GTF2H5: variants seen among roughly 807,000 people sequenced by gnomAD.
GTF2H5 encodes the protein TFB5 ortholog.
In GTF2H5, 5 loss-of-function variants were observed where a neutral mutation model predicts 7.1. That is an observed-to-expected ratio of 0.71 (90% confidence interval 0.37 to 1.49). The LOEUF is 1.49. Among genes scored for constraint, GTF2H5 ranks in the 40% most tolerant of loss-of-function variants. GTF2H5 has a pLI of 0.03. For missense variants in GTF2H5, 80 were observed against 83.0 expected (o/e 0.96, Z 0.14); for synonymous variants, 30 against 31.7 (o/e 0.95, Z 0.18).
rs570309908 is a variant in GTF2H5, at chr6:158,189,613, C to A, written c.36-2364C>A. On this transcript the variant is annotated intron_variant, in intron 2 of 2. Transcript: ENST00000607778. ...CTCCTCTTTCCAGTTCACTCCCTCT[C>A]ATACCTCACTCCATCATTTCTTCAA... Among the ~76,000 whole-genome samples, 167 of 152,320 alleles carry A rather than the reference C, an allele frequency of 1.1e-3. 1 individual carries two copies. The highest frequency in any genetic ancestry group is 2.2e-3 in the Admixed American group (34 of 15,298).
At position 158,175,044 on chromosome 6, in the gene GTF2H5, G is replaced by GTGTATA; in HGVS notation, c.35+4507_35+4508insGTATAT. Among the ~76,000 whole-genome samples, 1,288 of 142,776 alleles carry GTGTATA rather than the reference G, an allele frequency of 9.0e-3. 8 individuals are homozygous for GTGTATA. Among genetic ancestry groups the GTGTATA allele is most frequent in the Middle Eastern group, 0.014 (4 of 280 alleles). The allele number at this position is 142,776 out of a possible 152,430, so 93.7% of individuals were successfully genotyped here. On this transcript the variant is annotated intron_variant, in intron 2 of 2. Transcript: ENST00000607778. ...TGTGTGTGTGTGTGTGTGTGTGTGT[G>GTGTATA]TATACACACACACACACATACACAT...
chr6:158,171,536 G>A (rs73025755), intron 2 of GTF2H5, among the ~76,000 whole-genome samples: 7,349 of 152,248 alleles, frequency 0.048, 242 homozygotes, highest in Non-Finnish European at 0.068. Context: ...AGGAGGAAGT[G>A]TTTTGTAGGG....
Position 158,169,480 on chromosome 6 carries a change from A to G in GTF2H5, c.-34-990A>G, listed in dbSNP as rs1274471615. Among the ~76,000 whole-genome samples, 12 of 61,214 alleles carry G rather than the reference A, an allele frequency of 2.0e-4. 2 individuals are homozygous for G. The highest frequency in any genetic ancestry group is 9.9e-4 in the African/African-American group (10 of 10,152). 40.2% of individuals were successfully genotyped at this position (61,214 alleles called of 152,430 possible). The stretch of plus-strand genomic sequence containing the variant: ...ATATATATTATATTGTATATTATAT[A>G]TAATATATTGTATATTATATAATAT... On this transcript the variant is annotated intron_variant, in intron 1 of 2. Coordinates refer to ENST00000607778, the MANE Select transcript of GTF2H5 (RefSeq NM_207118.3).
chr6:158,172,278 G>A (rs1785868223), intron 2 of GTF2H5, among the ~76,000 whole-genome samples: 1 of 151,732 alleles, frequency 6.6e-6, no homozygotes, highest in Non-Finnish European at 1.5e-5. Context: ...TTTATTCAGA[G>A]AAGAGACATA....
chr6:158,181,422 T>A (rs545194497), intron 2 of GTF2H5, among the ~76,000 whole-genome samples: 1 of 152,306 alleles, frequency 6.6e-6, no homozygotes, highest in South Asian at 2.1e-4. Flanking sequence ...GTCCTGGATA[T>A]CCTTGTTAAT....
chr6:158,192,142 C>A lies in GTF2H5; in HGVS notation c.201C>A (p.Ser67=). The change falls in exon 3 of 3, where the codon TCC becomes TCA. Residue 67 remains serine, a synonymous_variant. Coordinates refer to ENST00000607778, the MANE Select transcript of GTF2H5 (RefSeq NM_207118.3). ...VGELMDQNAF[S]LTQK The stretch of plus-strand genomic sequence containing the variant: ...AATTAATGGACCAAAATGCTTTTTC[C>A]CTTACCCAGAAATGAAAATACTCAA... 1 of 1,612,422 alleles carries A rather than the reference C, an allele frequency of 6.2e-7. No individual in the cohort carries two copies. The highest frequency in any genetic ancestry group is 8.5e-7 in the Non-Finnish European group (1 of 1,179,590).
At chr6:158,171,227 C>G (rs1436439917) in intron 2 of GTF2H5, among the ~76,000 whole-genome samples, 1 of 152,162 alleles carries the variant, frequency 6.6e-6, no homozygotes, top group Admixed American at 6.5e-5. Context: ...TTCTAGCCAT[C>G]TTAAAAGTAA....
intron 2 of GTF2H5, among the ~76,000 whole-genome samples, chr6:158,178,213 C>T (rs34954502): frequency 1.3e-3 from 196 of 152,208 alleles, no homozygotes; most frequent in Non-Finnish European, 2.5e-3. Context: ...CGCGGTGGCT[C>T]ACACCTGTAA....
chr6:158,186,236 G>A (rs557549568), intron 2 of GTF2H5, among the ~76,000 whole-genome samples: 2 of 152,364 alleles, frequency 1.3e-5, no homozygotes, highest in South Asian at 4.1e-4. Context: ...ATTCAGCACA[G>A]ATATGAGTCC....
rs1230851006 is a variant in GTF2H5 at position 158,169,393 on chromosome 6, A to T, written c.-35+998A>T. ...AATATGTATATTATATATTATATAT[A>T]ATATTATATTGTATATTATATATTA... is the stretch of plus-strand genomic sequence containing the variant. On this transcript the variant is annotated intron_variant, in intron 1 of 2. Coordinates refer to ENST00000607778, the MANE Select transcript of GTF2H5 (RefSeq NM_207118.3). 9.6e-4 allele frequency among the ~76,000 whole-genome samples: 88 copies of T among 92,124 alleles called. 3 individuals carry two copies. The highest frequency in any genetic ancestry group is 3.4e-3 in the African/African-American group (75 of 21,748). 60.4% of individuals were successfully genotyped at this position (92,124 alleles called of 152,430 possible).
chr6:158,180,694 C>T (rs1785997884), intron 2 of GTF2H5, among the ~76,000 whole-genome samples: 1 of 152,108 alleles, frequency 6.6e-6, no homozygotes, highest in Non-Finnish European at 1.5e-5. Flanking sequence ...GTTTATATTT[C>T]TGTGGGATCG....
intron 2 of GTF2H5, among the ~76,000 whole-genome samples, chr6:158,189,550 C>A (rs567516608): frequency 1.3e-5 from 2 of 152,246 alleles, no homozygotes; most frequent in South Asian, 4.1e-4. Flanking sequence ...CGTGCCAGCT[C>A]TTCAGTCTCA....
chr6:158,196,870 C>T lies in GTF2H5; in HGVS notation c.*4713C>T, dbSNP rs1025301451. ...AAAAAATTATCTCATTCATGCCCTA[C>T]TTGAAGAGGACCAATGATTAACAGC... is the stretch of plus-strand genomic sequence containing the variant. On this transcript the variant is annotated 3_prime_UTR_variant, in exon 3 of 3. Transcript: ENST00000607778. The T allele has an allele frequency of 2.0e-5, 3 of 152,214 alleles. No individual in the cohort carries two copies. The highest frequency in any genetic ancestry group is 4.4e-5 in the Non-Finnish European group (3 of 68,034). 9.4% of individuals were successfully genotyped at this position (152,214 alleles called of 1,614,324 possible).
rs1777117839 is a variant in GTF2H5 at position 158,196,624 on chromosome 6, G to GA, written c.*4467_*4468insA. On this transcript the variant is annotated 3_prime_UTR_variant, in exon 3 of 3. Coordinates refer to ENST00000607778, the MANE Select transcript of GTF2H5 (RefSeq NM_207118.3). ...GGATATCAGTTTAAATAGAGCCCCT[G>GA]TCAGAACAATATGAATTCTGCTAAA... is the stretch of plus-strand genomic sequence containing the variant. 6.6e-6 allele frequency: 1 copy of GA among 152,170 alleles called. No individual in the cohort carries two copies. The highest frequency in any genetic ancestry group is 6.5e-5 in the Admixed American group (1 of 15,278). 9.4% of individuals were successfully genotyped at this position (152,170 alleles called of 1,614,324 possible).
At chr6:158,175,241 G>A (rs1346480616) in intron 2 of GTF2H5, among the ~76,000 whole-genome samples, 1 of 152,062 alleles carries the variant, frequency 6.6e-6, no homozygotes, top group African/African-American at 2.4e-5. Flanking sequence ...ATAAATTAAA[G>A]TTTTAGTTTG....
rs934060904 is a variant in GTF2H5 at position 158,169,261 on chromosome 6, T to A, written c.-35+866T>A. 1.1e-4 allele frequency among the ~76,000 whole-genome samples: 14 copies of A among 131,610 alleles called. No individual in the cohort carries two copies. The South Asian group carries it at 1.5e-3, about 14-fold the overall frequency. The allele number at this position is 131,610 out of a possible 152,430, so 86.3% of individuals were successfully genotyped here. ...AGTGTATATATACATATATATATAT[T>A]ATATATGTATTTTATATATAATATA... On this transcript the variant is annotated intron_variant, in intron 1 of 2. Coordinates refer to ENST00000607778, the MANE Select transcript of GTF2H5 (RefSeq NM_207118.3).
intron 2 of GTF2H5, among the ~76,000 whole-genome samples, chr6:158,175,044 G>GTGTGTATA: frequency 0.092 from 13,097 of 142,376 alleles, 661 homozygotes; most frequent in Middle Eastern, 0.12. Context: ...GTGTGTGTGT[G>GTGTGTATA]TATACACACA....
chr6:158,169,477 TATATA>T (rs1562468274), intron 1 of GTF2H5, among the ~76,000 whole-genome samples: 4 of 69,638 alleles, frequency 5.7e-5, no homozygotes, highest in African/African-American at 2.8e-4. Context: ...TTGTATATTA[TATATA>T]ATATATTGTA....
At chr6:158,182,239 G>A (rs1205363289) in intron 2 of GTF2H5, among the ~76,000 whole-genome samples, 2 of 152,218 alleles carry the variant, frequency 1.3e-5, no homozygotes, top group African/African-American at 2.4e-5. Flanking sequence ...TATGCGGAGC[G>A]ATCCGCTGTT....
Sources: gnomAD v4.1 joint callset for allele counts (sites outside exome capture counted in the v4.1 genomes callset) on GRCh38, gnomAD v4.1.1 for gene constraint, MANE v1.5 for transcripts, NCBI Gene and HGNC (gene_info 2026-07-23, HGNC 2026-07-21) for gene names.